The following VSIG1 variants were observed in gnomAD, a reference collection of about 807,000 sequenced individuals.
VSIG1 encodes V-set and immunoglobulin domain-containing protein 1.
Under a neutral mutation model 20.1 loss-of-function variants are expected in VSIG1, and 11 were observed. That is an observed-to-expected ratio of 0.55 (90% confidence interval 0.34 to 0.91). VSIG1 has a LOEUF of 0.91. Among genes scored for constraint, VSIG1 ranks in the 40% least tolerant of loss-of-function variants. The probability of loss-of-function intolerance (pLI) is 0.02; values close to 1 mark genes in which losing one functional copy is unlikely to be tolerated. For synonymous variants in VSIG1, 126 were observed against 116.7 expected (o/e 1.08, Z -0.52); for missense variants, 283 against 298.8 (o/e 0.95, Z 0.39).
intron 1 of VSIG1, among the ~76,000 whole-genome samples, chrX:108,047,957 CACACATATATATATATAT>C (rs2030676294): frequency 3.9e-5 from 1 of 25,890 alleles, no homozygotes; most frequent in Non-Finnish European, 5.7e-5. Flanking sequence ...TATATATACA[CACACATATATATATATAT>C]ATATATATAT....
intron 1 of VSIG1, among the ~76,000 whole-genome samples, chrX:108,051,760 GA>G (rs759623723): frequency 2.7e-5 from 3 of 109,794 alleles, no homozygotes; most frequent in Non-Finnish European, 1.9e-5. Flanking sequence ...AACAAATAAA[GA>G]AAAAAAAGGA....
the VSIG1 span, among the ~76,000 whole-genome samples, chrX:108,035,184 C>T: frequency 1.8e-5 from 2 of 111,172 alleles, no homozygotes; most frequent in South Asian, 3.8e-4. Flanking sequence ...CTGAAACCTC[C>T]GCTTCCTGGG....
the VSIG1 span, among the ~76,000 whole-genome samples, chrX:108,033,040 G>A: frequency 3.6e-5 from 4 of 111,771 alleles, no homozygotes; most frequent in African/African-American, 1.3e-4. Context: ...ACCAGGCACT[G>A]TTTGCCTTGG....
At chrX:108,037,894 A>G in the VSIG1 span, among the ~76,000 whole-genome samples, 3 of 111,568 alleles carry the variant, frequency 2.7e-5, no homozygotes, top group South Asian at 1.1e-3. Context: ...AGTGCTATGA[A>G]AAAAGGAAAA....
At chrX:108,021,141 T>TG in the VSIG1 span, among the ~76,000 whole-genome samples, 1 of 111,509 alleles carries the variant, frequency 9.0e-6, no homozygotes, top group Non-Finnish European at 1.9e-5. Context: ...AACTATGAGT[T>TG]GGGGGAAATT....
chrX:108,039,708 AG>A, the VSIG1 span, among the ~76,000 whole-genome samples: 2 of 110,532 alleles, frequency 1.8e-5, no homozygotes, highest in African/African-American at 6.6e-5. Flanking sequence ...TCAGATGAAG[AG>A]GGGGGCAGCA....
At chrX:108,062,854 G>A (rs1352259510) in intron 2 of VSIG1, among the ~76,000 whole-genome samples, 1 of 112,160 alleles carries the variant, frequency 8.9e-6, no homozygotes, top group Non-Finnish European at 1.9e-5. Flanking sequence ...TGCTGTGGAT[G>A]TCCATGTCCT....
At chrX:108,073,452 C>T (rs1016761655) in intron 5 of VSIG1, 83 bp downstream of exon 5, 2 of 1,071,028 alleles carry the variant, frequency 1.9e-6, no homozygotes, top group Admixed American at 4.9e-5. Flanking sequence ...GTTAGGATCC[C>T]CAGTTAGTGC....
intron 3 of VSIG1, 127 bp from the exon 4 acceptor site, chrX:108,072,550 G>A: frequency 2.7e-6 from 2 of 742,548 alleles, no homozygotes; most frequent in Non-Finnish European, 3.8e-6. Context: ...ACTGCGCCTG[G>A]CCAAGAATTT....
In VSIG1 at chrX:108,067,147, T is replaced by C; in HGVS notation, c.412+13T>C. On this transcript the variant is annotated intron_variant, in intron 3 of 6. Transcript: ENST00000217957. ...GTCAGTGTGTTAGGTATGAGCACTT[T>C]TTTCTGCTTTTTCTTTTCTTGGAAA... The C allele has an allele frequency of 8.3e-7, 1 of 1,208,036 alleles. No homozygotes were observed. Among genetic ancestry groups the C allele is most frequent in the Non-Finnish European group, 1.1e-6 (1 of 892,670 alleles).
At chrX:108,045,055 C>A (rs988336431), upstream of VSIG1, 2 of 943,094 alleles carry the variant, frequency 2.1e-6, no homozygotes. Flanking sequence ...TCGGTGTGAT[C>A]GAAGAAGCCA....
chrX:108,073,144 A>C, intron 4 of VSIG1, 106 bp from the exon 5 acceptor site: 2 of 965,910 alleles, frequency 2.1e-6, no homozygotes, highest in African/African-American at 1.9e-5. Context: ...ATCTCAAGAA[A>C]GAGAGGCCAA....
rs1301477107 is a variant in VSIG1, at chrX:108,067,013, T to C, written c.291T>C (p.Gly97=). 1.7e-6 allele frequency: 2 copies of C among 1,209,324 alleles called. No homozygotes were observed. The highest frequency in any genetic ancestry group is 3.5e-5 in the African/African-American group (2 of 57,106). The change falls in exon 3 of 7, where the codon GGT becomes GGC. Residue 97 remains glycine (G), a synonymous_variant. Coordinates refer to ENST00000217957, the MANE Select transcript of VSIG1 (RefSeq NM_182607.5). ...GAATTACAGGGTCCAACGATCCAGG[T>C]AATGCATCTATCACTATCTCGCATA... The part of the protein sequence containing the change: ...KDRITGSNDP[G]NASITISHMQ...
chrX:108,068,338 C>T (rs1027884183), intron 3 of VSIG1, among the ~76,000 whole-genome samples: 5 of 111,879 alleles, frequency 4.5e-5, no homozygotes, highest in Non-Finnish European at 7.5e-5. Flanking sequence ...CAAGCAAATT[C>T]CTGGGAGAGT....
intron 1 of VSIG1, among the ~76,000 whole-genome samples, chrX:108,047,784 C>G (rs1408714139): frequency 1.6e-5 from 1 of 64,285 alleles, no homozygotes; most frequent in Non-Finnish European, 2.8e-5. Context: ...CTCTCTCTCT[C>G]TCTCTCTATA....
At chrX:108,069,848 G>C (rs1208866603) in intron 3 of VSIG1, among the ~76,000 whole-genome samples, 5 of 111,690 alleles carry the variant, frequency 4.5e-5, no homozygotes, top group African/African-American at 1.6e-4. Context: ...TGAGGGCACA[G>C]GGGAAAGGGC....
intron 3 of VSIG1, among the ~76,000 whole-genome samples, chrX:108,072,188 G>A (rs1056298061): frequency 1.1e-4 from 12 of 110,242 alleles, no homozygotes; most frequent in African/African-American, 4.0e-4. Flanking sequence ...GAAGGGCCCT[G>A]CACCTGAAGT....
chrX:108,074,756 A>G (rs760707422), intron 5 of VSIG1, among the ~76,000 whole-genome samples: 2 of 111,834 alleles, frequency 1.8e-5, no homozygotes, highest in Admixed American at 9.5e-5. Flanking sequence ...GCAAAGCCTC[A>G]TCATCTATAA....
chrX:108,031,976 T>A, the VSIG1 span, among the ~76,000 whole-genome samples: 1 of 112,131 alleles, frequency 8.9e-6, no homozygotes, highest in Non-Finnish European at 1.9e-5. Context: ...TCTGGCCCCA[T>A]ATGGTAAAGC....
Sources: allele counts gnomAD v4.1 joint callset (sites outside exome capture counted in the v4.1 genomes callset), GRCh38; gene constraint gnomAD v4.1.1; transcripts MANE v1.5; gene names NCBI Gene and HGNC (gene_info 2026-07-23, HGNC 2026-07-21).